Variants in CAMK1D observed in about 807,000 individuals in gnomAD.
The protein encoded by CAMK1D is calcium/calmodulin-dependent protein kinase type 1D.
A neutral mutation model predicts 47.7 loss-of-function variants in CAMK1D; 9 were observed. The observed-to-expected ratio is 0.19, with a 90% CI of 0.11 to 0.33. CAMK1D has a LOEUF of 0.33. CAMK1D is among the 10% of genes least tolerant of loss of function. The pLI is 1.00. For missense variants in CAMK1D, 291 were observed against 488.7 expected (o/e 0.60, Z 3.81); for synonymous variants, 184 against 184.9 (o/e 0.99, Z 0.04).
chr10:12,769,352 C>T (rs1241577545), intron 4 of CAMK1D, among the ~76,000 whole-genome samples: 2 of 152,352 alleles, frequency 1.3e-5, no homozygotes, highest in Admixed American at 1.3e-4. Context: ...TCTCCCTTCC[C>T]TAACCCCAGA....
chr10:12,732,799 A>T (rs1834956050), intron 3 of CAMK1D, among the ~76,000 whole-genome samples: 1 of 151,820 alleles, frequency 6.6e-6, no homozygotes, highest in Non-Finnish European at 1.5e-5. Context: ...GGGCAATGGT[A>T]CTAGCATCCG....
chr10:12,735,717 A>G (rs1835157787), intron 3 of CAMK1D, among the ~76,000 whole-genome samples: 1 of 151,968 alleles, frequency 6.6e-6, no homozygotes, highest in Admixed American at 6.6e-5. Flanking sequence ...CAGTAGGCCG[A>G]GATACAGAGC....
At chr10:12,700,839 A>T (rs1413584970) in intron 3 of CAMK1D, among the ~76,000 whole-genome samples, 3 of 152,230 alleles carry the variant, frequency 2.0e-5, no homozygotes, top group African/African-American at 7.2e-5. Context: ...TCTAAGTTTC[A>T]AAGAAATTTT....
chr10:12,602,895 G>GTTGTTATTATTATTATTATTATTATTA (rs150080599), intron 2 of CAMK1D, among the ~76,000 whole-genome samples: 67 of 134,402 alleles, frequency 5.0e-4, no homozygotes, highest in East Asian at 6.6e-4. Context: ...CTAACTGCTT[G>GTTGTTATTATTATTATTATTATTATTA]TTATTATTAT....
At chr10:12,727,597 T>A (rs1371008629) in intron 3 of CAMK1D, among the ~76,000 whole-genome samples, 2 of 151,994 alleles carry the variant, frequency 1.3e-5, no homozygotes, top group African/African-American at 4.8e-5. Context: ...ATCATGGAGG[T>A]TCCTGGAAAC....
intron 1 of CAMK1D, among the ~76,000 whole-genome samples, chr10:12,497,987 A>G (rs1440878097): frequency 5.3e-5 from 8 of 152,218 alleles, no homozygotes; most frequent in Non-Finnish European, 8.8e-5. Context: ...GTAGCAGGCA[A>G]GAGAACGTGT....
chr10:12,508,296 C>T (rs572196860), intron 1 of CAMK1D, among the ~76,000 whole-genome samples: 60 of 152,374 alleles, frequency 3.9e-4, no homozygotes, highest in South Asian at 2.7e-3. Context: ...TGTGGTCTCT[C>T]CATGCAGTGG....
intron 3 of CAMK1D, among the ~76,000 whole-genome samples, chr10:12,704,701 G>A (rs903864976): frequency 3.3e-5 from 5 of 152,184 alleles, no homozygotes; most frequent in Admixed American, 6.5e-5. Context: ...TGAGTGGGGC[G>A]TGGGGTGGTG....
In CAMK1D at chr10:12,633,667, C is replaced by T. The variant is rs528413061; in HGVS notation, c.225-33069C>T. On this transcript the variant is annotated intron_variant, in intron 2 of 10. Transcript: ENST00000619168. ...AACCTCCTGGGCTCAAGCGATCCAC[C>T]CACCTCTGCCTCCCCAGTAGCTGGG... Among the ~76,000 whole-genome samples the T allele has an allele frequency of 2.0e-5, 3 of 152,168 alleles. 1 individual carries two copies. The highest frequency in any genetic ancestry group is 4.8e-5 in the African/African-American group (2 of 41,506).
chr10:12,449,644 C>CATAT (rs1833024557), intron 1 of CAMK1D, among the ~76,000 whole-genome samples: 1 of 151,612 alleles, frequency 6.6e-6, no homozygotes, highest in Non-Finnish European at 1.5e-5. Context: ...TATATCAAAA[C>CATAT]ATCATGTTGT....
chr10:12,391,077 G>A (rs1044299796), intron 1 of CAMK1D, among the ~76,000 whole-genome samples: 8 of 152,144 alleles, frequency 5.3e-5, no homozygotes, highest in African/African-American at 1.9e-4. Context: ...CTTCTCTCGT[G>A]AATGAGGAAA....
At chr10:12,632,498 G>T (rs1417148465) in intron 2 of CAMK1D, among the ~76,000 whole-genome samples, 6 of 152,176 alleles carry the variant, frequency 3.9e-5, no homozygotes, top group Non-Finnish European at 8.8e-5. Flanking sequence ...TATTCTGATG[G>T]CAGAATATGA....
At chr10:12,585,530 T>C (rs1477626355) in intron 2 of CAMK1D, among the ~76,000 whole-genome samples, 1 of 152,138 alleles carries the variant, frequency 6.6e-6, no homozygotes, top group Non-Finnish European at 1.5e-5. Context: ...TTTAATAGAC[T>C]CACAGTTCTA....
At chr10:12,366,979 C>G (rs1212798488) in intron 1 of CAMK1D, among the ~76,000 whole-genome samples, 1 of 152,116 alleles carries the variant, frequency 6.6e-6, no homozygotes, top group African/African-American at 2.4e-5. Flanking sequence ...GATGGCCTTG[C>G]TTGGCTTATT....
At chr10:12,373,666 A>G (rs1164643861) in intron 1 of CAMK1D, among the ~76,000 whole-genome samples, 2 of 152,024 alleles carry the variant, frequency 1.3e-5, no homozygotes, top group East Asian at 1.9e-4. Flanking sequence ...AAACACCCCA[A>G]AATCTCCCAT....
intron 1 of CAMK1D, among the ~76,000 whole-genome samples, chr10:12,389,307 A>G (rs1168675717): frequency 6.6e-6 from 1 of 152,152 alleles, no homozygotes. Context: ...ACCAAGGCTC[A>G]TGTTCTGCCC....
At chr10:12,409,674 T>A (rs187073855) in intron 1 of CAMK1D, among the ~76,000 whole-genome samples, 2 of 152,388 alleles carry the variant, frequency 1.3e-5, no homozygotes, top group Non-Finnish European at 1.5e-5. Context: ...GTGTTTTTGG[T>A]ATATTATTCT....
At chr10:12,708,464 C>G (rs1055068084) in intron 3 of CAMK1D, among the ~76,000 whole-genome samples, 3 of 152,208 alleles carry the variant, frequency 2.0e-5, no homozygotes, top group Admixed American at 2.0e-4. Context: ...CTGATCCCAG[C>G]TGGATCTCAA....
chr10:12,517,163 A>G (rs1255894241), intron 1 of CAMK1D, among the ~76,000 whole-genome samples: 2 of 152,170 alleles, frequency 1.3e-5, no homozygotes, highest in Non-Finnish European at 2.9e-5. Context: ...TATTATTTTT[A>G]AAATTTTTAT....
Sources: allele counts gnomAD v4.1 joint callset (sites outside exome capture counted in the v4.1 genomes callset), GRCh38; gene constraint gnomAD v4.1.1; transcripts MANE v1.5; gene names NCBI Gene and HGNC (gene_info 2026-07-23, HGNC 2026-07-21).